The following NCKAP5 variants were observed in gnomAD, a reference collection of about 807,000 sequenced individuals.
NCKAP5 encodes the protein NCK associated protein 5, also known as nck-associated protein 5.
In NCKAP5, 92 loss-of-function variants were observed where a neutral mutation model predicts 167.0. The observed-to-expected ratio is 0.55, with a 90% CI of 0.47 to 0.66. The LOEUF is 0.66. Ranked by LOEUF, NCKAP5 falls within the 30% of genes least tolerant of loss-of-function variation. The probability of loss-of-function intolerance (pLI) is 0.00; values close to 1 mark genes in which losing one functional copy is unlikely to be tolerated. For missense variants in NCKAP5, 2,378 were observed against 2,315.0 expected (o/e 1.03, Z -0.56); for synonymous variants, 891 against 877.4 (o/e 1.02, Z -0.27).
intron 8 of NCKAP5, among the ~76,000 whole-genome samples, chr2:132,903,500 T>C (rs896038315): frequency 5.3e-5 from 8 of 152,266 alleles, no homozygotes; most frequent in African/African-American, 1.9e-4. Flanking sequence ...AATGTGTTGA[T>C]GTGACAAATG....
At chr2:133,410,014 A>G (rs1307730517) in intron 3 of NCKAP5, among the ~76,000 whole-genome samples, 1 of 152,244 alleles carries the variant, frequency 6.6e-6, no homozygotes, top group African/African-American at 2.4e-5. Flanking sequence ...ATGCTGCACC[A>G]TTATAAAAGT....
intron 3 of NCKAP5, among the ~76,000 whole-genome samples, chr2:133,378,493 G>T (rs901478443): frequency 1.3e-5 from 2 of 152,272 alleles, no homozygotes; most frequent in Admixed American, 1.3e-4. Flanking sequence ...GCCAAGTTTT[G>T]CATCCAATTG....
chr2:132,740,018 A>G (rs952706130), intron 16 of NCKAP5, among the ~76,000 whole-genome samples: 9 of 152,058 alleles, frequency 5.9e-5, no homozygotes. Context: ...GGATCCTAAA[A>G]GCTTATACTT....
At chr2:133,537,569 G>A (rs1369421486) in intron 2 of NCKAP5, among the ~76,000 whole-genome samples, 1 of 152,042 alleles carries the variant, frequency 6.6e-6, no homozygotes, top group African/African-American at 2.4e-5. Flanking sequence ...ATAAGTGGGA[G>A]TACTTTCTTA....
intron 8 of NCKAP5, among the ~76,000 whole-genome samples, chr2:132,959,952 TATGACACCAATATACA>T (rs1243338751): frequency 1.3e-5 from 2 of 152,180 alleles, no homozygotes; most frequent in Non-Finnish European, 2.9e-5. Context: ...ATGTGTGCCC[TATGACACCAATATACA>T]CCAAGTGATT....
At chr2:133,552,681 C>T (rs1229854995) in intron 2 of NCKAP5, among the ~76,000 whole-genome samples, 2 of 142,178 alleles carry the variant, frequency 1.4e-5, no homozygotes, top group African/African-American at 2.6e-5. Flanking sequence ...ACCAGCATGG[C>T]ACATGTATAC....
chr2:133,504,171 T>C (rs905239195), intron 3 of NCKAP5, among the ~76,000 whole-genome samples: 1 of 151,732 alleles, frequency 6.6e-6, no homozygotes, highest in African/African-American at 2.4e-5. Context: ...TAAAAACTAT[T>C]TAAAGCAATC....
intron 3 of NCKAP5, among the ~76,000 whole-genome samples, chr2:133,320,581 A>G (rs1479784280): frequency 6.6e-6 from 1 of 152,076 alleles, no homozygotes; most frequent in Admixed American, 6.5e-5. Flanking sequence ...ACAGAAAATT[A>G]GCCAGGCGTG....
rs540882806 is a variant in NCKAP5 at position 132,860,523 on chromosome 2, C to A, written c.776G>T (p.Arg259Leu). 1.3e-6 allele frequency: 2 copies of A among 1,584,076 alleles called. No individual in the cohort carries two copies. The highest frequency in any genetic ancestry group is 1.7e-6 in the Non-Finnish European group (2 of 1,163,012). Residue 259 changes from arginine to leucine, a missense_variant, in exon 11 of 20, where the codon CGA becomes CTA. Physicochemically the swap from Arg to Leu is moderately radical, Grantham distance 102. Around this residue, in one of 3 missense-constraint regions of NCKAP5, gnomAD observed 1,049 missense variants for 1,023.4 expected, o/e 1.02. Coordinates refer to ENST00000409261, the MANE Select transcript of NCKAP5 (RefSeq NM_207363.3). Reference protein sequence around the residue: ...NRTLSILFQQRVRPTSDLLLQ... With the variant: ...NRTLSILFQQLVRPTSDLLLQ... The stretch of plus-strand genomic sequence containing the variant: ...GAGCAGATCAGAAGTGGGTCTGACT[C>A]GCTGTTGGAATAGGATGCTTAGTGT...
the NCKAP5 span, among the ~76,000 whole-genome samples, chr2:133,620,164 T>A: frequency 3.0e-5 from 3 of 100,752 alleles, no homozygotes; most frequent in African/African-American, 1.1e-4. Flanking sequence ...AGGACCTATA[T>A]AACAATAACA....
At chr2:133,502,975 G>C (rs768746110) in intron 3 of NCKAP5, among the ~76,000 whole-genome samples, 18 of 152,156 alleles carry the variant, frequency 1.2e-4, no homozygotes, top group Non-Finnish European at 2.2e-4. Context: ...ACGATCCTAG[G>C]TCACATCCAG....
intron 3 of NCKAP5, among the ~76,000 whole-genome samples, chr2:133,375,945 A>G (rs1190303276): frequency 6.6e-6 from 1 of 152,218 alleles, no homozygotes; most frequent in African/African-American, 2.4e-5. Flanking sequence ...AGATAAGCAC[A>G]TGGAGGAAAG....
intron 4 of NCKAP5, among the ~76,000 whole-genome samples, chr2:133,296,605 A>T (rs1225448268): frequency 6.6e-6 from 1 of 152,258 alleles, no homozygotes; most frequent in African/African-American, 2.4e-5. Flanking sequence ...AGTGTTATTT[A>T]AAAACATGTG....
chr2:132,800,789 T>G (rs1257428659), intron 11 of NCKAP5, among the ~76,000 whole-genome samples: 1 of 152,200 alleles, frequency 6.6e-6, no homozygotes, highest in Admixed American at 6.5e-5. Context: ...TGGTCCTTTA[T>G]CCAAAGTGTA....
At chr2:133,446,084 C>G (rs1290991991) in intron 3 of NCKAP5, among the ~76,000 whole-genome samples, 1 of 152,052 alleles carries the variant, frequency 6.6e-6, no homozygotes, top group African/African-American at 2.4e-5. Flanking sequence ...GAGAACCAAA[C>G]AACTGCAGGA....
At chr2:132,919,038 T>A (rs191703129) in intron 8 of NCKAP5, among the ~76,000 whole-genome samples, 1 of 152,352 alleles carries the variant, frequency 6.6e-6, no homozygotes, top group African/African-American at 2.4e-5. Flanking sequence ...ATTGTTTCAT[T>A]TCATGGACCT....
At chr2:133,485,122 A>G (rs1680793905) in intron 3 of NCKAP5, among the ~76,000 whole-genome samples, 1 of 152,226 alleles carries the variant, frequency 6.6e-6, no homozygotes, top group Non-Finnish European at 1.5e-5. Flanking sequence ...GCTCAGTAAA[A>G]GTAGGGAATG....
intron 2 of NCKAP5, among the ~76,000 whole-genome samples, chr2:133,523,618 A>T (rs1438582613): frequency 6.6e-6 from 1 of 152,220 alleles, no homozygotes; most frequent in Non-Finnish European, 1.5e-5. Flanking sequence ...ATAATGCCCC[A>T]GCAAGCTTTT....
intron 3 of NCKAP5, among the ~76,000 whole-genome samples, chr2:133,457,364 A>T (rs1691925418): frequency 6.6e-6 from 1 of 152,164 alleles, no homozygotes. Context: ...TCCCTTGGTG[A>T]GATATCAAAT....
Sources: allele counts gnomAD v4.1 joint callset (sites outside exome capture counted in the v4.1 genomes callset), GRCh38; gene constraint gnomAD v4.1.1; regional missense constraint gnomAD v4.1.1; transcripts MANE v1.5; gene names NCBI Gene and HGNC (gene_info 2026-07-23, HGNC 2026-07-21).